Variants in POM121L12 observed in about 807,000 individuals in gnomAD.
POM121L12 encodes the protein POM121 transmembrane nucleoporin like 12.
For synonymous variants in POM121L12, 251 were observed against 179.2 expected (o/e 1.40, Z -3.20); for missense variants, 553 against 409.2 (o/e 1.35, Z -3.03).
rs999425649 is a variant in POM121L12, at chr7:53,036,700, G to C, written c.*138G>C. On this transcript the variant is annotated 3_prime_UTR_variant, in exon 1 of 1. Coordinates refer to ENST00000408890, the MANE Select transcript of POM121L12 (RefSeq NM_182595.4). The stretch of plus-strand genomic sequence containing the variant: ...CAGCCCCCACACCCCTCGTCTGCCC[G>C]CCCCCAGATCTTCCCTCTGTGCTCC... 8 of 937,452 alleles carry C rather than the reference G, an allele frequency of 8.5e-6. No individual in the cohort carries two copies. The Admixed American group carries it at 1.1e-4, about 13-fold the overall frequency. The allele number at this position is 937,452 out of a possible 1,614,324, so 58.1% of individuals were successfully genotyped here.
chr7:53,036,155 GGCCGCCCC>G, the POM121L12 span: 1 of 1,609,986 alleles, frequency 6.2e-7, no homozygotes, highest in East Asian at 2.2e-5. Context: ...CCGCCCCGCA[GGCCGCCCC>G]GCCGCCCAGG....
In POM121L12 at chr7:53,036,423, C is replaced by T. The variant is rs1377969627; in HGVS notation, c.752C>T (p.Ala251Val). Residue 251 changes from alanine (A) to valine (V), a missense_variant, in exon 1 of 1, where the codon GCT becomes GTT. Physicochemically the swap from Ala to Val is moderately conservative, Grantham distance 64. Coordinates refer to ENST00000408890, the MANE Select transcript of POM121L12 (RefSeq NM_182595.4). ...TGGAGCCTCAGTTTTTGTGATGATG[C>T]TTGGCCTTCCGTGCTGGTCCAGCCC... ...GPWSLSFCDD[A>V]WPSVLVQPAP... 6.2e-6 allele frequency: 10 copies of T among 1,613,762 alleles called. No homozygotes were observed. The highest frequency in any genetic ancestry group is 2.2e-5 in the East Asian group (1 of 44,864).
rs773409594 is a variant in POM121L12, at chr7:53,035,788, G to A, written c.117G>A (p.Thr39=). The A allele has an allele frequency of 1.5e-5, 25 of 1,613,648 alleles. No individual in the cohort carries two copies. The South Asian group carries it at 2.5e-4, about 16-fold the overall frequency. Residue 39 remains threonine, a synonymous_variant, in exon 1 of 1, where the codon ACG becomes ACA. Transcript: ENST00000408890. The stretch of plus-strand genomic sequence containing the variant: ...CTCCCATGAGCAGGTCACCCAGCAC[G>A]CCCCAGACCACGCCATCTCCCCAGG... ...LAAPMSRSPS[T]PQTTPSPQGR...
In POM121L12 at chr7:53,036,022, G is replaced by A. The variant is rs529979399; in HGVS notation, c.351G>A (p.Glu117=). 3 of 1,613,180 alleles carry A rather than the reference G, an allele frequency of 1.9e-6. No homozygotes were observed. The highest frequency in any genetic ancestry group is 2.5e-6 in the Non-Finnish European group (3 of 1,179,870). ...ALGRDLSCAW[E]GCMKGGLCRA... ...GGCGAGACCTCTCCTGTGCCTGGGA[G>A]GGTTGCATGAAAGGGGGGCTGTGTC... is the stretch of plus-strand genomic sequence containing the variant. Residue 117 remains glutamate, a synonymous_variant, in exon 1 of 1, where the codon GAG becomes GAA. Transcript: ENST00000408890.
rs768526614 is a variant in POM121L12 at position 53,035,767 on chromosome 7, C to A, written c.96C>A (p.Pro32=). The A allele has an allele frequency of 6.2e-7, 1 of 1,613,450 alleles. No homozygotes were observed. Among genetic ancestry groups the A allele is most frequent in the East Asian group, 2.2e-5 (1 of 44,798 alleles). The part of the protein sequence containing the change: ...LLQGPDALAA[P]MSRSPSTPQT... ...AAGGCCCCGACGCCCTGGCGGCTCC[C>A]ATGAGCAGGTCACCCAGCACGCCCC... Residue 32 remains proline, a synonymous_variant, in exon 1 of 1, where the codon CCC becomes CCA. Transcript: ENST00000408890.
At position 53,035,692 on chromosome 7, in the gene POM121L12, C is replaced by T. The variant is rs374100824; in HGVS notation, c.21C>T (p.Ala7=). Residue 7 remains alanine (A), a synonymous_variant, in exon 1 of 1, where the codon GCC becomes GCT. Transcript: ENST00000408890. ...CAGCCATGGGCGCTGCAGCTCCGGC[C>T]GAGTCCGCAGACCTCGGGAACTTCT... MGAAAP[A]ESADLGNFWK... 2.7e-5 allele frequency: 43 copies of T among 1,595,078 alleles called. No homozygotes were observed. In the East Asian group the frequency reaches 6.0e-4, roughly 22 times the overall value.
rs1787551106 is a variant in POM121L12 at position 53,036,199 on chromosome 7, G to A, written c.528G>A (p.Glu176=). The stretch of plus-strand genomic sequence containing the variant: ...AGCTCCTGGACCCCTGCACCCGGGA[G>A]ACTCTGCTGGGGGCGCTCAGCCAGT... ...AQELLDPCTR[E]TLLGALSQCP... is the part of the protein sequence containing the mutation. Residue 176 remains glutamate (E), a synonymous_variant, in exon 1 of 1, where the codon GAG becomes GAA. Transcript: ENST00000408890. 1.2e-6 allele frequency: 2 copies of A among 1,612,612 alleles called. No individual in the cohort carries two copies. The highest frequency in any genetic ancestry group is 1.7e-6 in the Non-Finnish European group (2 of 1,179,742).
At position 53,035,725 on chromosome 7, in the gene POM121L12, G is replaced by C. The variant is rs916659958; in HGVS notation, c.54G>C (p.Ala18=). The part of the protein sequence containing the change: ...ESADLGNFWK[A]GEPLLQGPDA... Reference sequence around the variant, plus strand: ...CAGACCTCGGGAACTTCTGGAAGGCGGGAGAACCCCTGCTGCAAGGCCCCG... The same window carrying C: ...CAGACCTCGGGAACTTCTGGAAGGCCGGAGAACCCCTGCTGCAAGGCCCCG... Residue 18 remains alanine (A), a synonymous_variant, in exon 1 of 1, where the codon GCG becomes GCC. Transcript: ENST00000408890. 3 of 1,611,690 alleles carry C rather than the reference G, an allele frequency of 1.9e-6. No homozygotes were observed. The highest frequency in any genetic ancestry group is 2.5e-6 in the Non-Finnish European group (3 of 1,179,206).
the POM121L12 span, chr7:53,036,446 C>CAT: frequency 1.9e-6 from 3 of 1,613,780 alleles, no homozygotes; most frequent in South Asian, 3.3e-5. Flanking sequence ...GCTGGTCCAG[C>CAT]CCGCCCCATC....
chr7:53,036,766 C>T lies in POM121L12; in HGVS notation c.*204C>T, dbSNP rs919675368. 8.6e-6 allele frequency: 5 copies of T among 583,802 alleles called. No homozygotes were observed. Among genetic ancestry groups the T allele is most frequent in the Admixed American group, 3.3e-5 (1 of 30,384 alleles). The allele number at this position is 583,802 out of a possible 1,614,324, so 36.2% of individuals were successfully genotyped here. On this transcript the variant is annotated 3_prime_UTR_variant, in exon 1 of 1. Transcript: ENST00000408890. ...CTGTTGATTTCAGAACCCTTGCCTTCGCCCTGCTGGCCCTCTCCTCCCTGC... is the reference window on the plus strand; with the variant it reads ...CTGTTGATTTCAGAACCCTTGCCTTTGCCCTGCTGGCCCTCTCCTCCCTGC...
chr7:53,036,178 C>G lies in POM121L12; in HGVS notation c.507C>G (p.Leu169=). The change falls in exon 1 of 1, where the codon CTC becomes CTG. Residue 169 remains leucine (L), a synonymous_variant. Transcript: ENST00000408890. ...CAGGCCGCCCCGCCGCCCAGGAGCT[C>G]CTGGACCCCTGCACCCGGGAGACTC... ...RPAGRPAAQE[L]LDPCTRETLL... is the part of the protein sequence containing the mutation. The G allele has an allele frequency of 6.2e-7, 1 of 1,610,878 alleles. No homozygotes were observed.
At position 53,035,881 on chromosome 7, in the gene POM121L12, C is replaced by T. The variant is rs1177093486; in HGVS notation, c.210C>T (p.Arg70=). ...ATATTCAGTACTTCCAGTGGGGGCG[C>T]CCGGTGCCCAGCACCCACCTCATCG... ...QSHIQYFQWG[R]PVPSTHLIEV... is the part of the protein sequence containing the mutation. The change falls in exon 1 of 1, where the codon CGC becomes CGT. Residue 70 remains arginine, a synonymous_variant. Coordinates refer to ENST00000408890, the MANE Select transcript of POM121L12 (RefSeq NM_182595.4). 7.4e-6 allele frequency: 12 copies of T among 1,613,266 alleles called. No individual in the cohort carries two copies. In the Middle Eastern group the frequency reaches 6.6e-4, roughly 89 times the overall value.
In POM121L12 at chr7:53,035,697, C is replaced by T. The variant is rs769049269; in HGVS notation, c.26C>T (p.Ser9Phe). 1.2e-6 allele frequency: 2 copies of T among 1,600,942 alleles called. No homozygotes were observed. Among genetic ancestry groups the T allele is most frequent in the Non-Finnish European group, 1.7e-6 (2 of 1,174,382 alleles). Residue 9 changes from serine to phenylalanine, a missense_variant, in exon 1 of 1, where the codon TCC (serine) becomes TTC (phenylalanine). By Grantham distance (155) the Ser-to-Phe change is radical (BLOSUM62 -2). Coordinates refer to ENST00000408890, the MANE Select transcript of POM121L12 (RefSeq NM_182595.4). MGAAAPAE[S>F]ADLGNFWKAG... is the part of the protein sequence containing the mutation. ...ATGGGCGCTGCAGCTCCGGCCGAGT[C>T]CGCAGACCTCGGGAACTTCTGGAAG...
Position 53,036,883 on chromosome 7 carries a change from T to A in POM121L12, c.*321T>A, listed in dbSNP as rs576932783. Reference sequence around the variant, plus strand: ...AGTTTGTATAGTTAAATTGTCCAGTTGTATAGTTAAATATTTGATCTTATT... The same window carrying A: ...AGTTTGTATAGTTAAATTGTCCAGTAGTATAGTTAAATATTTGATCTTATT... On this transcript the variant is annotated 3_prime_UTR_variant, in exon 1 of 1. Transcript: ENST00000408890. The A allele has an allele frequency of 6.2e-6, 2 of 320,786 alleles. No individual in the cohort carries two copies. The highest frequency in any genetic ancestry group is 4.3e-5 in the African/African-American group (2 of 46,870). 19.9% of individuals were successfully genotyped at this position (320,786 alleles called of 1,614,324 possible).
rs1299693663 is a variant in POM121L12 at position 53,036,722 on chromosome 7, C to T, written c.*160C>T. The T allele has an allele frequency of 5.4e-6, 4 of 736,748 alleles. No homozygotes were observed. The highest frequency in any genetic ancestry group is 3.0e-5 in the Admixed American group (1 of 33,384). 45.6% of individuals were successfully genotyped at this position (736,748 alleles called of 1,614,324 possible). On this transcript the variant is annotated 3_prime_UTR_variant, in exon 1 of 1. Coordinates refer to ENST00000408890, the MANE Select transcript of POM121L12 (RefSeq NM_182595.4). ...CCCGCCCCCAGATCTTCCCTCTGTGCTCCCTGCCACCCCAGCAGCTGTTGA... is the reference window on the plus strand; with the variant it reads ...CCCGCCCCCAGATCTTCCCTCTGTGTTCCCTGCCACCCCAGCAGCTGTTGA...
Position 53,036,659 on chromosome 7 carries a change from C to T in POM121L12, c.*97C>T. ...CTACCTCAACGTGGGGCCCTGACAC[C>T]ACGTTATCAAACATGCAGCCCCCAC... On this transcript the variant is annotated 3_prime_UTR_variant, in exon 1 of 1. Transcript: ENST00000408890. 1 of 1,352,812 alleles carries T rather than the reference C, an allele frequency of 7.4e-7. No individual in the cohort carries two copies. Among genetic ancestry groups the T allele is most frequent in the Non-Finnish European group, 1.0e-6 (1 of 986,430 alleles). 83.8% of individuals were successfully genotyped at this position (1,352,812 alleles called of 1,614,324 possible). A position where few individuals can be genotyped will look rare whatever the true frequency, so the allele number is the denominator to read the frequency against.
rs12113170 is a variant in POM121L12 at position 53,036,253 on chromosome 7, G to T, written c.582G>T (p.Gly194=). 6.2e-7 allele frequency: 1 copy of T among 1,613,756 alleles called. No homozygotes were observed. The highest frequency in any genetic ancestry group is 8.5e-7 in the Non-Finnish European group (1 of 1,179,900). ...CCAAGGGAAGCGCTAGGTTCGACGG[G>T]CCGTTGTGGTTCGAGGTCTCAGACA... ...QCPKGSARFD[G]PLWFEVSDSK... The change falls in exon 1 of 1, where the codon GGG becomes GGT. Residue 194 remains glycine, a synonymous_variant. Coordinates refer to ENST00000408890, the MANE Select transcript of POM121L12 (RefSeq NM_182595.4).
rs1382808251 is a variant in POM121L12, at chr7:53,036,373, G to A, written c.702G>A (p.Gly234=). 1.9e-6 allele frequency: 3 copies of A among 1,613,648 alleles called. No homozygotes were observed. Among genetic ancestry groups the A allele is most frequent in the East Asian group, 4.5e-5 (2 of 44,834 alleles). ...GAVASFVPRP[G]PLKPSLGPWS... ...TTGCTTCCTTCGTGCCCAGGCCAGG[G>A]CCTCTGAAGCCGAGCCTCGGCCCCT... The change falls in exon 1 of 1, where the codon GGG becomes GGA. Residue 234 remains glycine, a synonymous_variant. Transcript: ENST00000408890.
At position 53,035,781 on chromosome 7, in the gene POM121L12, C is replaced by G; in HGVS notation, c.110C>G (p.Pro37Arg). 6.2e-7 allele frequency: 1 copy of G among 1,613,708 alleles called. No individual in the cohort carries two copies. Among genetic ancestry groups the G allele is most frequent in the South Asian group, 1.1e-5 (1 of 91,080 alleles). Residue 37 changes from proline (P) to arginine (R), a missense_variant, in exon 1 of 1, where the codon CCC (proline) becomes CGC (arginine). Transcript: ENST00000408890. The part of the protein sequence containing the change: ...DALAAPMSRS[P>R]STPQTTPSPQ... The stretch of plus-strand genomic sequence containing the variant: ...CTGGCGGCTCCCATGAGCAGGTCAC[C>G]CAGCACGCCCCAGACCACGCCATCT...
Sources: allele counts gnomAD v4.1 joint callset, GRCh38; gene constraint gnomAD v4.1.1; transcripts MANE v1.5; gene names NCBI Gene and HGNC (gene_info 2026-07-23, HGNC 2026-07-21).